Variants in ARHGAP6 observed in about 807,000 individuals in gnomAD.
The protein encoded by ARHGAP6 is rho GTPase-activating protein 6.
Under a neutral mutation model 55.7 loss-of-function variants are expected in ARHGAP6, and 16 were observed. The ratio of observed to expected loss-of-function variants is 0.29; its 90% CI spans 0.19 to 0.44. The LOEUF is 0.44. Ranked by LOEUF, ARHGAP6 falls within the 20% of genes least tolerant of loss-of-function variation. The pLI is 1.00. For missense variants in ARHGAP6, 698 were observed against 808.9 expected, an observed-to-expected ratio of 0.86 and a Z score of 1.66; for synonymous variants, 382 against 360.9, an observed-to-expected ratio of 1.06 and a Z score of -0.66.
chrX:11,209,980 A>G (rs1331612756), intron 2 of ARHGAP6, among the ~76,000 whole-genome samples: 1 of 112,709 alleles, frequency 8.9e-6, no homozygotes, highest in Non-Finnish European at 1.9e-5. Flanking sequence ...CTTGGAAACA[A>G]CTATACATCA....
intron 1 of ARHGAP6, among the ~76,000 whole-genome samples, chrX:11,324,942 T>C (rs897680933): frequency 8.9e-6 from 1 of 111,992 alleles, no homozygotes; most frequent in Non-Finnish European, 1.9e-5. Context: ...CACTGCAAGC[T>C]CCGCTTCCCG....
intron 1 of ARHGAP6, among the ~76,000 whole-genome samples, chrX:11,345,968 A>AC (rs1252829023): frequency 3.8e-5 from 4 of 104,219 alleles, no homozygotes; most frequent in African/African-American, 1.4e-4. Context: ...TTTTAGGCAC[A>AC]TTTTTTTTTT....
At chrX:11,588,935 T>C (rs5933905) in intron 1 of ARHGAP6, among the ~76,000 whole-genome samples, 38,661 of 111,023 alleles carry the variant, frequency 0.35, 5,109 homozygotes, top group African/African-American at 0.47. Context: ...GATTATATCT[T>C]CAAAAACGGT....
At chrX:11,616,851 A>G (rs1188866681) in intron 1 of ARHGAP6, among the ~76,000 whole-genome samples, 5 of 111,747 alleles carry the variant, frequency 4.5e-5, no homozygotes, top group African/African-American at 9.8e-5. Context: ...ACATCCCACA[A>G]TACAAAGGAC....
In ARHGAP6 at chrX:11,314,772, C is replaced by A. The variant is rs967777410; in HGVS notation, c.589-60065G>T. ...GACACATGGAGGGGAACAACACACA[C>A]TGGGGACCTCTCAGAAGGTAGAGGG... On this transcript the variant is annotated intron_variant, in intron 1 of 12. Coordinates refer to ENST00000337414, the MANE Select transcript of ARHGAP6 (RefSeq NM_013427.3). Among the ~76,000 whole-genome samples the A allele has an allele frequency of 2.7e-5, 3 of 111,334 alleles. No homozygotes were observed. In the South Asian group the frequency reaches 1.2e-3, roughly 43 times the overall value.
chrX:11,308,063 T>A lies in ARHGAP6; in HGVS notation c.589-53356A>T, dbSNP rs181353709. Among the ~76,000 whole-genome samples the A allele has an allele frequency of 4.4e-5, 5 of 112,419 alleles. No homozygotes were observed. In the East Asian group the frequency reaches 1.4e-3, roughly 31 times the overall value. On this transcript the variant is annotated intron_variant, in intron 1 of 12. Coordinates refer to ENST00000337414, the MANE Select transcript of ARHGAP6 (RefSeq NM_013427.3). ...TACCTATGGTGGCATGTGCACATGATAGAGAGAGGAAGAAATTTGCAAATG... is the reference window on the plus strand; with the variant it reads ...TACCTATGGTGGCATGTGCACATGAAAGAGAGAGGAAGAAATTTGCAAATG...
At chrX:11,403,288 AGTCATCTTTT>A (rs2049572382) in intron 1 of ARHGAP6, among the ~76,000 whole-genome samples, 1 of 111,522 alleles carries the variant, frequency 9.0e-6, no homozygotes, top group Admixed American at 9.6e-5. Flanking sequence ...GAGTCAAATC[AGTCATCTTTT>A]GGTTGCTCAT....
At chrX:11,163,185 A>C (rs917294254) in intron 9 of ARHGAP6, among the ~76,000 whole-genome samples, 1 of 112,169 alleles carries the variant, frequency 8.9e-6, no homozygotes, top group Non-Finnish European at 1.9e-5. Context: ...TCAAAGCATA[A>C]TGCTGTTCCA....
At chrX:11,640,738 A>G (rs2052465782) in intron 1 of ARHGAP6, among the ~76,000 whole-genome samples, 1 of 111,122 alleles carries the variant, frequency 9.0e-6, no homozygotes, top group Non-Finnish European at 1.9e-5. Flanking sequence ...AGAGTCTCCA[A>G]TTCATATATT....
At chrX:11,291,349 A>G (rs1344211943) in intron 1 of ARHGAP6, among the ~76,000 whole-genome samples, 2 of 111,605 alleles carry the variant, frequency 1.8e-5, no homozygotes, top group Admixed American at 9.5e-5. Flanking sequence ...CTCACTATCC[A>G]GTGGTCCAGA....
chrX:11,386,157 T>C, intron 1 of ARHGAP6, among the ~76,000 whole-genome samples: 1 of 112,617 alleles, frequency 8.9e-6, no homozygotes, highest in Middle Eastern at 4.6e-3. Flanking sequence ...CTTTGCTGAG[T>C]TGTGGGAAGC....
intron 1 of ARHGAP6, among the ~76,000 whole-genome samples, chrX:11,323,072 G>A (rs887486397): frequency 1.8e-5 from 2 of 112,230 alleles, no homozygotes; most frequent in Non-Finnish European, 3.8e-5. Flanking sequence ...TGAATGGTTT[G>A]TAACAATTAT....
Position 11,139,330 on chromosome X carries a change from T to A in ARHGAP6, c.2458A>T (p.Ser820Cys). ...CCTGCCACCTGGACGTGGGGCGTGC[T>A]GCAGGCGCGCGACACCGCAGGGTGG... is the stretch of plus-strand genomic sequence containing the variant. ...RAHPAVSRAC[S>C]TPHVQVAGKA... The change falls in exon 13 of 13, where the codon AGC becomes TGC. Residue 820 changes from serine to cysteine, a missense_variant. Physicochemically the swap from Ser to Cys is moderately radical, Grantham distance 112 (BLOSUM62 -1). Coordinates refer to ENST00000337414, the MANE Select transcript of ARHGAP6 (RefSeq NM_013427.3). 8.5e-7 allele frequency: 1 copy of A among 1,180,109 alleles called. No homozygotes were observed. The highest frequency in any genetic ancestry group is 1.1e-6 in the Non-Finnish European group (1 of 880,975).
intron 2 of ARHGAP6, among the ~76,000 whole-genome samples, chrX:11,198,429 T>C (rs1420475962): frequency 8.9e-6 from 1 of 112,081 alleles, no homozygotes; most frequent in African/African-American, 3.2e-5. Context: ...CATGACTTAT[T>C]ACACAGACCA....
intron 1 of ARHGAP6, among the ~76,000 whole-genome samples, chrX:11,409,312 A>G (rs2049651395): frequency 8.9e-6 from 1 of 112,087 alleles, no homozygotes; most frequent in Non-Finnish European, 1.9e-5. Context: ...AGCCTGCAAG[A>G]AATGGGGTGG....
intron 1 of ARHGAP6, among the ~76,000 whole-genome samples, chrX:11,525,747 C>A (rs1463654288): frequency 1.8e-5 from 2 of 111,926 alleles, no homozygotes; most frequent in African/African-American, 6.5e-5. Context: ...TCACCATGTA[C>A]TGTGTACAAA....
intron 1 of ARHGAP6, among the ~76,000 whole-genome samples, chrX:11,437,040 T>C (rs1241916794): frequency 1.8e-5 from 2 of 110,673 alleles, no homozygotes; most frequent in African/African-American, 6.6e-5. Context: ...CATGTGAATT[T>C]TACCTCCATA....
chrX:11,545,682 T>C (rs1569392609), intron 1 of ARHGAP6, among the ~76,000 whole-genome samples: 1 of 111,662 alleles, frequency 9.0e-6, no homozygotes, highest in Non-Finnish European at 1.9e-5. Context: ...AGAGAGTTAG[T>C]TCAGGGAGCT....
chrX:11,499,480 C>G (rs757344656), intron 1 of ARHGAP6, among the ~76,000 whole-genome samples: 3 of 111,974 alleles, frequency 2.7e-5, no homozygotes, highest in Non-Finnish European at 5.6e-5. Flanking sequence ...TTTCTCCACT[C>G]CTTTGCTTTC....
Sources: allele counts gnomAD v4.1 joint callset (sites outside exome capture counted in the v4.1 genomes callset), GRCh38; gene constraint gnomAD v4.1.1; transcripts MANE v1.5; gene names NCBI Gene and HGNC (gene_info 2026-07-23, HGNC 2026-07-21).